SMAP1: variants seen among roughly 807,000 people sequenced by gnomAD.
SMAP1 encodes the protein stromal membrane-associated protein 1.
SMAP1 carries 24 observed loss-of-function variants against 58.5 expected under a neutral mutation model. The ratio of observed to expected loss-of-function variants is 0.41; its 90% CI spans 0.30 to 0.58. The LOEUF (loss-of-function observed/expected upper bound fraction) is 0.58. SMAP1 is among the 20% of genes least tolerant of loss of function. The pLI, the probability that SMAP1 is intolerant of heterozygous loss-of-function variation, is 0.29. For missense variants in SMAP1, 563 were observed against 566.3 expected (o/e 0.99, Z 0.06); for synonymous variants, 216 against 196.6 (o/e 1.10, Z -0.82).
In SMAP1 at chr6:70,733,702, G is replaced by A. The variant is rs565248084; in HGVS notation, c.252+1191G>A. 6.2e-4 allele frequency among the ~76,000 whole-genome samples: 94 copies of A among 152,286 alleles called. 1 individual carries two copies. The highest frequency in any genetic ancestry group is 1.2e-3 in the South Asian group (6 of 4,828). On this transcript the variant is annotated intron_variant, in intron 2 of 10. Coordinates refer to ENST00000370455, the MANE Select transcript of SMAP1 (RefSeq NM_001044305.3). ...ATGTTGTAACTCTTTTTCAAGAAAC[G>A]TGTGAGGTGTAGCTTGACAGTATAA...
chr6:70,688,450 C>T (rs1767021883), intron 1 of SMAP1, among the ~76,000 whole-genome samples: 1 of 152,116 alleles, frequency 6.6e-6, no homozygotes, highest in African/African-American at 2.4e-5. Flanking sequence ...GGTCCTTTGC[C>T]AGCATTTGGT....
At chr6:70,837,885 A>C (rs200799246) in intron 7 of SMAP1, 1 of 1,208,810 alleles carries the variant, frequency 8.3e-7, no homozygotes, top group Non-Finnish European at 1.1e-6. Context: ...GTTGTTATTG[A>C]ATAAATTGTT....
At chr6:70,753,113 T>C (rs1766345728) in intron 2 of SMAP1, among the ~76,000 whole-genome samples, 2 of 151,914 alleles carry the variant, frequency 1.3e-5, no homozygotes, top group African/African-American at 4.8e-5. Context: ...GTCATAGTCA[T>C]TGAATATAAG....
chr6:70,756,808 C>G (rs905641248), intron 3 of SMAP1, among the ~76,000 whole-genome samples: 1 of 152,110 alleles, frequency 6.6e-6, no homozygotes, highest in Non-Finnish European at 1.5e-5. Context: ...ATCCAACTTA[C>G]AAGGGATGTG....
At chr6:70,762,948 A>G (rs1766813851) in intron 3 of SMAP1, among the ~76,000 whole-genome samples, 1 of 151,994 alleles carries the variant, frequency 6.6e-6, no homozygotes, top group Non-Finnish European at 1.5e-5. Context: ...ACATACAGAT[A>G]ATAATACCAG....
At chr6:70,708,253 T>C (rs1209589437) in intron 1 of SMAP1, among the ~76,000 whole-genome samples, 1 of 152,214 alleles carries the variant, frequency 6.6e-6, no homozygotes, top group Non-Finnish European at 1.5e-5. Flanking sequence ...TTACTAACCA[T>C]AATGTCCCCC....
In SMAP1 at chr6:70,860,225, G is replaced by T; in HGVS notation, c.1295G>T (p.Ser432Ile). 1.9e-6 allele frequency: 3 copies of T among 1,612,528 alleles called. No homozygotes were observed. The highest frequency in any genetic ancestry group is 2.5e-6 in the Non-Finnish European group (3 of 1,179,502). Reference sequence around the variant, plus strand: ...ATGAATCAGCAGATGGCTGGCATGAGTATCAGTAGTGCAACCCCTACTGCA... The same window carrying T: ...ATGAATCAGCAGATGGCTGGCATGATTATCAGTAGTGCAACCCCTACTGCA... ...SQMNQQMAGM[S>I]ISSATPTAGF... Residue 432 changes from serine to isoleucine, a missense_variant, in exon 11 of 11, where the codon AGT becomes ATT. Around this residue, in one of 3 missense-constraint regions of SMAP1, gnomAD observed 494 missense variants for 473.8 expected, o/e 1.04. Coordinates refer to ENST00000370455, the MANE Select transcript of SMAP1 (RefSeq NM_001044305.3).
intron 1 of SMAP1, among the ~76,000 whole-genome samples, chr6:70,689,191 T>A (rs1391566212): frequency 1.3e-5 from 2 of 152,082 alleles, no homozygotes; most frequent in African/African-American, 4.8e-5. Flanking sequence ...GTAGTTTTAG[T>A]AGAGATGGGG....
intron 6 of SMAP1, among the ~76,000 whole-genome samples, chr6:70,803,486 C>A (rs1304251229): frequency 6.6e-6 from 1 of 152,020 alleles, no homozygotes; most frequent in Non-Finnish European, 1.5e-5. Context: ...TTTTGTGTCT[C>A]TATTTCCTTC....
chr6:70,716,367 C>T (rs1768270398), intron 1 of SMAP1, among the ~76,000 whole-genome samples: 1 of 152,162 alleles, frequency 6.6e-6, no homozygotes, highest in African/African-American at 2.4e-5. Flanking sequence ...CAGTTCACAA[C>T]AGAGTTTGTG....
chr6:70,770,832 T>A (rs1360754715), intron 3 of SMAP1, among the ~76,000 whole-genome samples: 2 of 152,226 alleles, frequency 1.3e-5, no homozygotes, highest in African/African-American at 4.8e-5. Context: ...GCTCTGCTTT[T>A]TAGAGTTTCC....
intron 8 of SMAP1, among the ~76,000 whole-genome samples, chr6:70,853,579 G>A (rs1771272090): frequency 6.6e-6 from 1 of 152,124 alleles, no homozygotes; most frequent in African/African-American, 2.4e-5. Flanking sequence ...TATTATGATA[G>A]TCATTATATA....
At chr6:70,670,930 C>T (rs758230694) in intron 1 of SMAP1, among the ~76,000 whole-genome samples, 14 of 152,202 alleles carry the variant, frequency 9.2e-5, no homozygotes, top group South Asian at 2.1e-4. Context: ...ATGGCATAGG[C>T]GCCAGTTTCC....
At chr6:70,849,010 C>T (rs1280775635) in intron 7 of SMAP1, among the ~76,000 whole-genome samples, 2 of 152,078 alleles carry the variant, frequency 1.3e-5, no homozygotes, top group East Asian at 1.9e-4. Context: ...CAGAACCCAC[C>T]GTTAAGGGAT....
rs116490102 is a variant in SMAP1 at position 70,678,287 on chromosome 6, G to A, written c.118+10146G>A. 4.3e-3 allele frequency among the ~76,000 whole-genome samples: 652 copies of A among 152,214 alleles called. 7 individuals are homozygous for A. Among genetic ancestry groups the A allele is most frequent in the African/African-American group, 0.015 (627 of 41,522 alleles). On this transcript the variant is annotated intron_variant, in intron 1 of 10. Coordinates refer to ENST00000370455, the MANE Select transcript of SMAP1 (RefSeq NM_001044305.3). ...GTCTCTTATTGATCTTTTATAAAGC[G>A]TGCCTTTCATTGAGCAGTGATGAGC...
chr6:70,694,180 G>A (rs892531960), intron 1 of SMAP1: 14 of 336,152 alleles, frequency 4.2e-5, no homozygotes, highest in Admixed American at 1.5e-4. Flanking sequence ...GTCAGAAATC[G>A]AGGCTATAAC....
At chr6:70,747,402 T>C (rs1486498801) in intron 2 of SMAP1, among the ~76,000 whole-genome samples, 1 of 152,154 alleles carries the variant, frequency 6.6e-6, no homozygotes, top group African/African-American at 2.4e-5. Flanking sequence ...GGTGCAGTTA[T>C]ATGTGTCAGA....
At chr6:70,785,501 A>G (rs1272480817) in intron 4 of SMAP1, among the ~76,000 whole-genome samples, 7 of 152,256 alleles carry the variant, frequency 4.6e-5, no homozygotes, top group African/African-American at 7.2e-5. Flanking sequence ...CAAAAAATCA[A>G]TGAATCCAGG....
intron 9 of SMAP1, 90 bp from the exon 10 acceptor site, chr6:70,857,832 G>A (rs996662478): frequency 2.1e-6 from 3 of 1,442,836 alleles, no homozygotes; most frequent in African/African-American, 2.8e-5. Context: ...GCTGTGAGTA[G>A]TTCAGAAAGG....
Sources: allele counts gnomAD v4.1 joint callset (sites outside exome capture counted in the v4.1 genomes callset), GRCh38; gene constraint gnomAD v4.1.1; regional missense constraint gnomAD v4.1.1; transcripts MANE v1.5; gene names NCBI Gene and HGNC (gene_info 2026-07-23, HGNC 2026-07-21).